The following PRRX1 variants were observed in gnomAD, a reference collection of about 807,000 sequenced individuals.
The protein encoded by PRRX1 is paired mesoderm homeobox protein 1.
PRRX1 carries 8 observed loss-of-function variants against 24.0 expected under a neutral mutation model. The ratio of observed to expected loss-of-function variants is 0.33; its 90% CI spans 0.20 to 0.60. The LOEUF (loss-of-function observed/expected upper bound fraction) is 0.60. PRRX1 is among the 20% of genes least tolerant of loss of function. The pLI is 0.82. For synonymous variants in PRRX1, 160 were observed against 131.7 expected (o/e 1.22, Z -1.47); for missense variants, 281 against 322.4 (o/e 0.87, Z 0.98).
Position 170,730,886 on chromosome 1 carries a change from G to A in PRRX1, c.599+4485G>A, listed in dbSNP as rs374250528. Reference sequence around the variant, plus strand: ...TGGAACCTATCGATAAGCAGTGTGCGCTTCAAAAAAAGTCTTGCAACAATA... The same window carrying A: ...TGGAACCTATCGATAAGCAGTGTGCACTTCAAAAAAAGTCTTGCAACAATA... On this transcript the variant is annotated intron_variant, in intron 3 of 3. Coordinates refer to ENST00000239461, the MANE Select transcript of PRRX1 (RefSeq NM_022716.4). 7.2e-5 allele frequency among the ~76,000 whole-genome samples: 11 copies of A among 152,044 alleles called. No homozygotes were observed. The East Asian group carries it at 1.4e-3, about 19-fold the overall frequency.
At chr1:170,729,026 G>C (rs1330263858) in intron 3 of PRRX1, 1 of 152,222 alleles carries the variant, frequency 6.6e-6, no homozygotes, top group Non-Finnish European at 1.5e-5. Flanking sequence ...TTGGAACACT[G>C]TTGTGTGATA....
intron 3 of PRRX1, among the ~76,000 whole-genome samples, chr1:170,734,612 C>A (rs1207175311): frequency 1.3e-5 from 2 of 152,016 alleles, no homozygotes; most frequent in African/African-American, 2.4e-5. Flanking sequence ...AGGTAGGATC[C>A]TTTTGAAACC....
At chr1:170,689,839 C>CCCT (rs1558049693) in intron 1 of PRRX1, among the ~76,000 whole-genome samples, 109 of 91,630 alleles carry the variant, frequency 1.2e-3, no homozygotes, top group East Asian at 6.8e-3. Flanking sequence ...TCTCTCTCTC[C>CCCT]CTCTCTCTCT....
chr1:170,681,994 C>T (rs923269224), intron 1 of PRRX1, among the ~76,000 whole-genome samples: 1 of 152,088 alleles, frequency 6.6e-6, no homozygotes, highest in African/African-American at 2.4e-5. Context: ...ACTGGAAATT[C>T]ATTTGTCCAA....
At chr1:170,724,171 G>T (rs1655177247) in intron 2 of PRRX1, among the ~76,000 whole-genome samples, 1 of 152,134 alleles carries the variant, frequency 6.6e-6, no homozygotes, top group East Asian at 1.9e-4. Flanking sequence ...TAAGCTCCTT[G>T]TAGATTCTGG....
At chr1:170,724,614 G>A (rs1655193120) in intron 2 of PRRX1, among the ~76,000 whole-genome samples, 1 of 152,084 alleles carries the variant, frequency 6.6e-6, no homozygotes, top group African/African-American at 2.4e-5. Flanking sequence ...TCTTTTCTGA[G>A]TTCTCTATTC....
At chr1:170,710,862 G>A (rs1006458918) in intron 1 of PRRX1, among the ~76,000 whole-genome samples, 3 of 152,194 alleles carry the variant, frequency 2.0e-5, no homozygotes, top group African/African-American at 7.2e-5. Context: ...CCCTCTTCCT[G>A]AGGCTTCCAG....
chr1:170,672,834 T>A (rs947507941), intron 1 of PRRX1, among the ~76,000 whole-genome samples: 12 of 152,304 alleles, frequency 7.9e-5, no homozygotes, highest in African/African-American at 2.9e-4. Flanking sequence ...TTAGATTTGG[T>A]TTGGGCCGGG....
At chr1:170,695,096 G>A (rs513287) in intron 1 of PRRX1, among the ~76,000 whole-genome samples, 75,696 of 151,932 alleles carry the variant, frequency 0.5, 19,008 homozygotes, top group Middle Eastern at 0.69. Flanking sequence ...CTAAATGTCC[G>A]TGAAGGCCTG....
At position 170,739,411 on chromosome 1, in the gene PRRX1, TG is replaced by T. The variant is rs1358730785; in HGVS notation, c.*3226del. ...GAAAGAAGGACTCTACCATGTCTTT[TG>T]TTATATACATTTAAGCCTGCTGATT... On this transcript the variant is annotated 3_prime_UTR_variant, in exon 4 of 4. Coordinates refer to ENST00000239461, the MANE Select transcript of PRRX1 (RefSeq NM_022716.4). 5.8e-6 allele frequency: 1 copy of T among 172,788 alleles called. No individual in the cohort carries two copies. Among genetic ancestry groups the T allele is most frequent in the Non-Finnish European group, 1.3e-5 (1 of 79,740 alleles). The allele number at this position is 172,788 out of a possible 1,614,324, so 10.7% of individuals were successfully genotyped here.
At chr1:170,735,895 A>C (rs1050728870) in intron 3 of PRRX1, among the ~76,000 whole-genome samples, 153 bp from the exon 4 acceptor site, 6 of 152,234 alleles carry the variant, frequency 3.9e-5, no homozygotes, top group Non-Finnish European at 8.8e-5. Context: ...ACGAATGGAA[A>C]GCTGGGGCTG....
chr1:170,723,336 T>C (rs1655153620), intron 2 of PRRX1, among the ~76,000 whole-genome samples: 1 of 151,116 alleles, frequency 6.6e-6, no homozygotes, highest in South Asian at 2.1e-4. Context: ...AAAAGAATTT[T>C]CTTCTCCCAT....
intron 1 of PRRX1, among the ~76,000 whole-genome samples, chr1:170,707,750 A>T (rs1654613689): frequency 6.6e-6 from 1 of 152,246 alleles, no homozygotes; most frequent in Non-Finnish European, 1.5e-5. Flanking sequence ...ATTGTTGGAA[A>T]TGCTCTTGCA....
intron 1 of PRRX1, among the ~76,000 whole-genome samples, chr1:170,715,149 A>G (rs900874485): frequency 1.3e-5 from 2 of 152,188 alleles, no homozygotes; most frequent in Non-Finnish European, 2.9e-5. Flanking sequence ...AAACACTGCA[A>G]AAGAATTTTT....
intron 3 of PRRX1, among the ~76,000 whole-genome samples, chr1:170,730,971 A>C (rs1280549902): frequency 6.6e-6 from 1 of 152,232 alleles, no homozygotes; most frequent in African/African-American, 2.4e-5. Flanking sequence ...TAAACATAGC[A>C]GAAAGATCAC....
rs541583197 is a variant in PRRX1, at chr1:170,703,724, G to A, written c.242-16002G>A. On this transcript the variant is annotated intron_variant, in intron 1 of 3. Transcript: ENST00000239461. The stretch of plus-strand genomic sequence containing the variant: ...GTAGCCAAACTACCAGATATCAGCT[G>A]CATGCCCTGGGCTCAGGCAAGATGA... 3.3e-5 allele frequency among the ~76,000 whole-genome samples: 5 copies of A among 152,222 alleles called. No individual in the cohort carries two copies. The South Asian group carries it at 1.0e-3, about 32-fold the overall frequency.
At chr1:170,710,450 C>T (rs544136634) in intron 1 of PRRX1, among the ~76,000 whole-genome samples, 1 of 152,162 alleles carries the variant, frequency 6.6e-6, no homozygotes, top group Non-Finnish European at 1.5e-5. Context: ...CTCCTTATTT[C>T]CAATCCAAAG....
chr1:170,703,300 C>T (rs1281159209), intron 1 of PRRX1, among the ~76,000 whole-genome samples: 1 of 151,972 alleles, frequency 6.6e-6, no homozygotes, highest in Non-Finnish European at 1.5e-5. Context: ...TACCAGATGT[C>T]GTCCATTGTG....
At chr1:170,672,600 C>T (rs567087507) in intron 1 of PRRX1, among the ~76,000 whole-genome samples, 94 of 152,236 alleles carry the variant, frequency 6.2e-4, no homozygotes, top group African/African-American at 1.9e-3. Context: ...TAAATATAAT[C>T]GGGGATGCCA....
Sources: gnomAD v4.1 joint callset for allele counts (sites outside exome capture counted in the v4.1 genomes callset) on GRCh38, gnomAD v4.1.1 for gene constraint, MANE v1.5 for transcripts, NCBI Gene and HGNC (gene_info 2026-07-23, HGNC 2026-07-21) for gene names.